Variants in CGNL1 observed in about 807,000 individuals in gnomAD.
CGNL1 encodes the protein cingulin like 1, also known as cingulin-like protein 1.
A neutral mutation model predicts 141.2 loss-of-function variants in CGNL1; 132 were observed. The ratio of observed to expected loss-of-function variants is 0.93; its 90% CI spans 0.81 to 1.08. The LOEUF is 1.08. Ranked by LOEUF, CGNL1 falls within the 50% of genes least tolerant of loss-of-function variation. CGNL1 has a pLI of 0.00. For missense variants in CGNL1, 1,870 were observed against 1,588.6 expected (o/e 1.18, Z -3.01); for synonymous variants, 690 against 622.1 (o/e 1.11, Z -1.63).
At chr15:57,380,522 C>T (rs959251531) in intron 1 of CGNL1, among the ~76,000 whole-genome samples, 2 of 152,114 alleles carry the variant, frequency 1.3e-5, no homozygotes, top group African/African-American at 2.4e-5. Context: ...TGGCTAGCCT[C>T]GCCTGGGTAG....
intron 8 of CGNL1, among the ~76,000 whole-genome samples, chr15:57,478,483 GA>G (rs2063684664): frequency 6.6e-6 from 1 of 152,226 alleles, no homozygotes; most frequent in African/African-American, 2.4e-5. Context: ...AACTGGATGG[GA>G]TCCTCTCACT....
At position 57,378,363 on chromosome 15, in the gene CGNL1, G is replaced by GTTTTTTTT. The variant is rs71116514; in HGVS notation, c.-16+1824_-16+1831dup. On this transcript the variant is annotated intron_variant, in intron 1 of 18. Coordinates refer to ENST00000281282, the MANE Select transcript of CGNL1 (RefSeq NM_032866.5). The stretch of plus-strand genomic sequence containing the variant: ...TTTCTTAGGGGGTGGCCCTCTATGT[G>GTTTTTTTT]TTTTTTTTTTTTTTTTTTTTTTTTT... 3.9e-3 allele frequency among the ~76,000 whole-genome samples: 131 copies of GTTTTTTTT among 33,928 alleles called. 16 individuals carry two copies. The highest frequency in any genetic ancestry group is 4.9e-3 in the Non-Finnish European group (88 of 18,100). The allele number at this position is 33,928 out of a possible 152,430, so 22.3% of individuals were successfully genotyped here.
In CGNL1 at chr15:57,528,679, G is replaced by T. The variant is rs753695162; in HGVS notation, c.3065G>T (p.Arg1022Leu). 1.9e-6 allele frequency: 3 copies of T among 1,613,976 alleles called. No individual in the cohort carries two copies. The highest frequency in any genetic ancestry group is 2.7e-5 in the African/African-American group (2 of 74,914). ...ATGCGTCTGATGGAGGAAGAGTTAC[G>T]GGACTACCAGAGAGCTCAGGATGAA... ...DEMRLMEEEL[R>L]DYQRAQDEAL... is the part of the protein sequence containing the mutation. Residue 1022 changes from arginine to leucine, a missense_variant, in exon 13 of 19, where the codon CGG becomes CTG. Physicochemically the swap from Arg to Leu is moderately radical, Grantham distance 102. Coordinates refer to ENST00000281282, the MANE Select transcript of CGNL1 (RefSeq NM_032866.5).
intron 7 of CGNL1, among the ~76,000 whole-genome samples, chr15:57,456,958 A>T (rs542812717): frequency 2.0e-5 from 3 of 152,320 alleles, no homozygotes; most frequent in South Asian, 4.1e-4. Flanking sequence ...TATGTCTCTA[A>T]AACTTCTTTT....
intron 1 of CGNL1, among the ~76,000 whole-genome samples, chr15:57,389,568 A>T (rs2062519690): frequency 6.6e-6 from 1 of 152,170 alleles, no homozygotes. Flanking sequence ...TGCAGGAGTT[A>T]GTTACCTTTG....
intron 8 of CGNL1, among the ~76,000 whole-genome samples, chr15:57,512,498 G>A (rs376325513): frequency 2.0e-5 from 3 of 151,956 alleles, no homozygotes; most frequent in South Asian, 2.1e-4. Context: ...ACATAGTATC[G>A]CTTTACAAAT....
rs148290456 is a variant in CGNL1, at chr15:57,506,187, C to T, written c.2404-10593C>T. ...TGGGAGTCTAACGCTTGCATTTACCCGGTTCCCACCCCCCAATATTTTCCT... is the reference window on the plus strand; with the variant it reads ...TGGGAGTCTAACGCTTGCATTTACCTGGTTCCCACCCCCCAATATTTTCCT... On this transcript the variant is annotated intron_variant, in intron 8 of 18. Coordinates refer to ENST00000281282, the MANE Select transcript of CGNL1 (RefSeq NM_032866.5). 9.4e-4 allele frequency among the ~76,000 whole-genome samples: 143 copies of T among 152,344 alleles called. 3 individuals are homozygous for T. In the East Asian group the frequency reaches 0.024, roughly 26 times the overall value.
At chr15:57,478,701 T>A (rs2063687681) in intron 8 of CGNL1, among the ~76,000 whole-genome samples, 2 of 152,188 alleles carry the variant, frequency 1.3e-5, no homozygotes, top group South Asian at 4.1e-4. Flanking sequence ...TGCAGTGGCA[T>A]AATCATGGCT....
chr15:57,467,815 G>T (rs111669401), intron 8 of CGNL1, among the ~76,000 whole-genome samples: 13 of 150,152 alleles, frequency 8.7e-5, no homozygotes, highest in African/African-American at 3.2e-4. Flanking sequence ...TCATCCTCCT[G>T]AGTAGCTGGG....
chr15:57,443,256 G>A (rs1443106084), intron 4 of CGNL1, among the ~76,000 whole-genome samples: 1 of 152,136 alleles, frequency 6.6e-6, no homozygotes, highest in Non-Finnish European at 1.5e-5. Context: ...GATTTTTTTG[G>A]TTAAGGAAGG....
intron 12 of CGNL1, among the ~76,000 whole-genome samples, chr15:57,526,027 G>A (rs779643832): frequency 3.9e-5 from 6 of 152,102 alleles, no homozygotes; most frequent in East Asian, 1.9e-4. Flanking sequence ...AGTACTTCCC[G>A]TTGCGTTTTA....
chr15:57,380,310 A>T (rs1337278434), intron 1 of CGNL1, among the ~76,000 whole-genome samples: 3 of 152,202 alleles, frequency 2.0e-5, no homozygotes, highest in African/African-American at 7.2e-5. Context: ...CTCCGATTAC[A>T]GGCATGAGCC....
rs1567096734 is a variant in CGNL1 at position 57,405,814 on chromosome 15, CTTTCTTTCTTTCTT to C, written c.-16+29259_-16+29272del. Among the ~76,000 whole-genome samples the C allele has an allele frequency of 3.1e-3, 409 of 130,306 alleles. 5 individuals are homozygous for C. Among genetic ancestry groups the C allele is most frequent in the African/African-American group, 0.011 (385 of 34,674 alleles). 85.5% of individuals were successfully genotyped at this position (130,306 alleles called of 152,430 possible). ...TCTTTCTTTCTTTCTTTCTTTCCTT[CTTTCTTTCTTTCTT>C]TTTCTTTCTTTTCTTTTTCTTTCTT... On this transcript the variant is annotated intron_variant, in intron 1 of 18. Coordinates refer to ENST00000281282, the MANE Select transcript of CGNL1 (RefSeq NM_032866.5).
At chr15:57,471,914 A>T (rs761800477) in intron 8 of CGNL1, among the ~76,000 whole-genome samples, 5 of 152,060 alleles carry the variant, frequency 3.3e-5, no homozygotes, top group East Asian at 3.9e-4. Context: ...AAAAGGGGTG[A>T]GAAGGACGTT....
chr15:57,527,815 G>C (rs959950633), intron 12 of CGNL1: 1 of 152,292 alleles, frequency 6.6e-6, no homozygotes, highest in South Asian at 2.1e-4. Context: ...GTTGCTTTGC[G>C]GTCATTAATT....
At chr15:57,441,366 A>AT (rs199753783) in intron 3 of CGNL1, among the ~76,000 whole-genome samples, 89 of 151,892 alleles carry the variant, frequency 5.9e-4, no homozygotes, top group African/African-American at 1.5e-3. Flanking sequence ...TTTAAAATTC[A>AT]TTATTTTTTT....
At chr15:57,419,579 G>A (rs71478626) in intron 1 of CGNL1, among the ~76,000 whole-genome samples, 2,243 of 152,194 alleles carry the variant, frequency 0.015, 27 homozygotes, top group Middle Eastern at 0.024. Flanking sequence ...TGCTAGGATT[G>A]GAATTTGTCT....
chr15:57,544,450 A>G, intron 15 of CGNL1, 23 bp from the exon 16 acceptor site: 1 of 1,613,876 alleles, frequency 6.2e-7, no homozygotes. Flanking sequence ...ATAGCCCCTC[A>G]CAGTCTCCCT....
chr15:57,537,426 G>A (rs918835324), intron 14 of CGNL1, among the ~76,000 whole-genome samples: 1 of 152,004 alleles, frequency 6.6e-6, no homozygotes. Flanking sequence ...AAAGATCAGA[G>A]GGGGGTTTTC....
Sources: allele counts gnomAD v4.1 joint callset (sites outside exome capture counted in the v4.1 genomes callset), GRCh38; gene constraint gnomAD v4.1.1; transcripts MANE v1.5; gene names NCBI Gene and HGNC (gene_info 2026-07-23, HGNC 2026-07-21).